SKI: variants seen among roughly 807,000 people sequenced by gnomAD.
The protein encoded by SKI is ski oncogene.
In SKI, 23 loss-of-function variants were observed where a neutral mutation model predicts 59.3. That is an observed-to-expected ratio of 0.39 (90% CI 0.28 to 0.55). The LOEUF (loss-of-function observed/expected upper bound fraction) is 0.55, where lower values mean the gene tolerates loss of function less well. Ranked by LOEUF, SKI falls within the 20% of genes least tolerant of loss-of-function variation. The probability of loss-of-function intolerance (pLI) is 0.67; values close to 1 mark genes in which losing one functional copy is unlikely to be tolerated. For missense variants in SKI, 1,017 were observed against 1,038.9 expected (o/e 0.98, Z 0.29); for synonymous variants, 673 against 488.6 (o/e 1.38, Z -4.98).
At chr1:2,261,376 TAAC>T (rs1175868027) in intron 1 of SKI, among the ~76,000 whole-genome samples, 2 of 152,232 alleles carry the variant, frequency 1.3e-5, no homozygotes, top group East Asian at 3.8e-4. Context: ...GGGAATATCT[TAAC>T]AATCGGGAGT....
chr1:2,278,943 C>A (rs1240161440), intron 1 of SKI, among the ~76,000 whole-genome samples: 3 of 152,222 alleles, frequency 2.0e-5, no homozygotes, highest in Non-Finnish European at 4.4e-5. Flanking sequence ...TGCTGGGATG[C>A]TGCCGCCTCC....
intron 1 of SKI, among the ~76,000 whole-genome samples, chr1:2,266,287 T>C (rs35643977): frequency 0.031 from 4,669 of 152,266 alleles, 95 homozygotes; most frequent in Non-Finnish European, 0.045. Flanking sequence ...GTGGAGTTTC[T>C]GCACATACAT....
chr1:2,249,049 T>C (rs1639061233), intron 1 of SKI, among the ~76,000 whole-genome samples: 1 of 152,208 alleles, frequency 6.6e-6, no homozygotes, highest in Non-Finnish European at 1.5e-5. Context: ...GCAAAATGCC[T>C]GGAGTGTGCG....
intron 1 of SKI, among the ~76,000 whole-genome samples, chr1:2,282,583 C>T (rs574804887): frequency 6.6e-6 from 1 of 152,208 alleles, no homozygotes; most frequent in African/African-American, 2.4e-5. Flanking sequence ...GGCAGTATTT[C>T]GGCTTGTGTG....
chr1:2,248,475 A>G (rs551401229), intron 1 of SKI, among the ~76,000 whole-genome samples: 44 of 152,234 alleles, frequency 2.9e-4, no homozygotes, highest in Non-Finnish European at 5.6e-4. Context: ...TTGTTTTGCA[A>G]ATAACGCTGG....
intron 1 of SKI, among the ~76,000 whole-genome samples, chr1:2,255,179 A>G (rs1022861510): frequency 2.6e-5 from 4 of 152,172 alleles, no homozygotes; most frequent in South Asian, 4.1e-4. Flanking sequence ...TTCCACAGGC[A>G]GGGACGCTCC....
At chr1:2,300,380 G>A (rs767737913) in intron 1 of SKI, among the ~76,000 whole-genome samples, 3 of 151,744 alleles carry the variant, frequency 2.0e-5, no homozygotes, top group African/African-American at 4.8e-5. Flanking sequence ...CTCCAAGGGC[G>A]GGTTTTGAAG....
intron 1 of SKI, among the ~76,000 whole-genome samples, chr1:2,242,771 C>G (rs1429085232): frequency 6.6e-6 from 1 of 152,216 alleles, no homozygotes; most frequent in Admixed American, 6.5e-5. Flanking sequence ...CCTCCTGCCT[C>G]AGCCTCCCAA....
chr1:2,228,740 G>T lies in SKI; in HGVS notation c.-27G>T. 9.2e-7 allele frequency: 1 copy of T among 1,085,302 alleles called. No individual in the cohort carries two copies. Among genetic ancestry groups the T allele is most frequent in the South Asian group, 3.5e-5 (1 of 28,182 alleles). The allele number at this position is 1,085,302 out of a possible 1,614,324, so 67.2% of individuals were successfully genotyped here. A position where few individuals can be genotyped will look rare whatever the true frequency, so the allele number is the denominator to read the frequency against. On this transcript the variant is annotated 5_prime_UTR_variant, in exon 1 of 7. Coordinates refer to ENST00000378536, the MANE Select transcript of SKI (RefSeq NM_003036.4). ...GGGGGGCCCGGGCGCGCGGGAGCGG[G>T]AGCGGCCGGGGGAGCCGGAGCGCAC...
chr1:2,287,474 C>G (rs796879513), intron 1 of SKI, among the ~76,000 whole-genome samples: 42 of 151,702 alleles, frequency 2.8e-4, no homozygotes, highest in African/African-American at 9.0e-4. Context: ...GTAGCTGGGA[C>G]TACAGGTGCC....
intron 1 of SKI, among the ~76,000 whole-genome samples, chr1:2,279,611 G>A (rs1469616352): frequency 6.6e-6 from 1 of 152,084 alleles, no homozygotes; most frequent in East Asian, 1.9e-4. Flanking sequence ...TGGGTGAGAC[G>A]AGGGAGGGCT....
chr1:2,301,461 A>C (rs1569854432), intron 1 of SKI, among the ~76,000 whole-genome samples: 1 of 151,468 alleles, frequency 6.6e-6, no homozygotes, highest in Non-Finnish European at 1.5e-5. Flanking sequence ...AGAGCCAGGC[A>C]CCTGCCCCTC....
Position 2,228,775 on chromosome 1 carries a change from G to T in SKI, c.9G>T (p.Ala3=). 7.8e-7 allele frequency: 1 copy of T among 1,280,530 alleles called. No individual in the cohort carries two copies. The highest frequency in any genetic ancestry group is 1.0e-6 in the Non-Finnish European group (1 of 998,898). 79.3% of individuals were successfully genotyped at this position (1,280,530 alleles called of 1,614,324 possible). A position where few individuals can be genotyped will look rare whatever the true frequency, so the allele number is the denominator to read the frequency against. ...GGGAGCCGGAGCGCACCATGGAGGCGGCGGCAGGCGGCCGCGGCTGTTTCC... is the reference window on the plus strand; with the variant it reads ...GGGAGCCGGAGCGCACCATGGAGGCTGCGGCAGGCGGCCGCGGCTGTTTCC... ME[A]AAGGRGCFQP... is the part of the protein sequence containing the mutation. The change falls in exon 1 of 7, where the codon GCG becomes GCT. Residue 3 remains alanine, a synonymous_variant. Coordinates refer to ENST00000378536, the MANE Select transcript of SKI (RefSeq NM_003036.4).
intron 1 of SKI, among the ~76,000 whole-genome samples, chr1:2,292,551 G>A (rs777485126): frequency 3.3e-5 from 5 of 152,226 alleles, no homozygotes; most frequent in Admixed American, 1.3e-4. Flanking sequence ...CTGGGGAGCC[G>A]TAGCAGTGTG....
At chr1:2,302,006 C>T (rs1377664813) in intron 1 of SKI, among the ~76,000 whole-genome samples, 1 of 152,240 alleles carries the variant, frequency 6.6e-6, no homozygotes, top group Non-Finnish European at 1.5e-5. Flanking sequence ...GACCTTGGGT[C>T]TCAGTTGTGC....
At chr1:2,246,806 G>C (rs1458223627) in intron 1 of SKI, among the ~76,000 whole-genome samples, 1 of 152,144 alleles carries the variant, frequency 6.6e-6, no homozygotes, top group African/African-American at 2.4e-5. Context: ...CTGTGAAGGG[G>C]CACCTACCGT....
chr1:2,307,533 T>G lies in SKI; in HGVS notation c.*768T>G, dbSNP rs967179176. ...GCTCCTCCACCACGAGGCACTGACC[T>G]GCGTCGGGTGGTGACCGTGGCTGGC... On this transcript the variant is annotated 3_prime_UTR_variant, in exon 7 of 7. Coordinates refer to ENST00000378536, the MANE Select transcript of SKI (RefSeq NM_003036.4). 6.6e-6 allele frequency: 1 copy of G among 152,420 alleles called. No individual in the cohort carries two copies. Among genetic ancestry groups the G allele is most frequent in the Non-Finnish European group, 1.5e-5 (1 of 68,044 alleles). 9.4% of individuals were successfully genotyped at this position (152,420 alleles called of 1,614,324 possible). A position where few individuals can be genotyped will look rare whatever the true frequency, so the allele number is the denominator to read the frequency against.
At chr1:2,232,635 A>G (rs901791614) in intron 1 of SKI, 2 of 152,222 alleles carry the variant, frequency 1.3e-5, no homozygotes, top group Non-Finnish European at 1.5e-5. Flanking sequence ...CTGCTGCTGT[A>G]TCTTGGAAGA....
At chr1:2,294,946 A>T (rs532557255) in intron 1 of SKI, among the ~76,000 whole-genome samples, 114 of 152,290 alleles carry the variant, frequency 7.5e-4, no homozygotes, top group African/African-American at 2.6e-3. Context: ...ACTTGACCTC[A>T]GGGTGGTGGC....
Sources: allele counts gnomAD v4.1 joint callset (sites outside exome capture counted in the v4.1 genomes callset), GRCh38; gene constraint gnomAD v4.1.1; transcripts MANE v1.5; gene names NCBI Gene and HGNC (gene_info 2026-07-23, HGNC 2026-07-21).